ANO1: variants seen among roughly 807,000 people sequenced by gnomAD.
The protein encoded by ANO1 is anoctamin 1, also known as anoctamin-1.
In ANO1, 59 loss-of-function variants were observed where a neutral mutation model predicts 124.0. The ratio of observed to expected loss-of-function variants is 0.48; its 90% CI spans 0.39 to 0.59. The LOEUF (loss-of-function observed/expected upper bound fraction) is 0.59, where lower values mean the gene tolerates loss of function less well. ANO1 is among the 20% of genes least tolerant of loss of function. The probability of loss-of-function intolerance (pLI) is 0.00; values close to 1 mark genes in which losing one functional copy is unlikely to be tolerated. For missense variants in ANO1, 1,059 were observed against 1,328.0 expected, an observed-to-expected ratio of 0.80 and a Z score of 3.15; for synonymous variants, 529 against 532.0, an observed-to-expected ratio of 0.99 and a Z score of 0.08.
chr11:70,010,075 A>G (rs533414405), intron 1 of ANO1, among the ~76,000 whole-genome samples: 2 of 151,396 alleles, frequency 1.3e-5, no homozygotes, highest in Non-Finnish European at 2.9e-5. Flanking sequence ...CTCCAACTCC[A>G]TCCAGGTTGC....
chr11:70,123,200 T>C (rs980337076), intron 8 of ANO1, among the ~76,000 whole-genome samples: 2 of 152,120 alleles, frequency 1.3e-5, no homozygotes, highest in Admixed American at 6.5e-5. Flanking sequence ...CACAAGCCCC[T>C]CCAACCATGG....
intron 1 of ANO1, among the ~76,000 whole-genome samples, chr11:70,012,548 A>G (rs112903322): frequency 0.043 from 6,510 of 151,306 alleles, 482 homozygotes; most frequent in African/African-American, 0.15. Context: ...CTATCTATCC[A>G]TCCATTGTTG....
At chr11:70,124,505 C>A in intron 9 of ANO1, 91 bp downstream of exon 9, 2 of 1,336,606 alleles carry the variant, frequency 1.5e-6, no homozygotes, top group South Asian at 1.2e-5. Flanking sequence ...TCTGAATGTT[C>A]AGTACCCGGG....
chr11:70,152,075 G>T (rs762912987), intron 12 of ANO1, among the ~76,000 whole-genome samples: 1 of 152,130 alleles, frequency 6.6e-6, no homozygotes, highest in South Asian at 2.1e-4. Flanking sequence ...GGTGGCTCAC[G>T]CCTGTAACCC....
chr11:70,172,039 C>G (rs1257003757), intron 22 of ANO1, among the ~76,000 whole-genome samples: 1 of 149,028 alleles, frequency 6.7e-6, no homozygotes, highest in Non-Finnish European at 1.5e-5. Flanking sequence ...AGGATCATGT[C>G]AGCCCAGGAG....
At position 70,167,364 on chromosome 11, in the gene ANO1, TCACC is replaced by T; in HGVS notation, c.2176_2179del (p.Thr726GlnfsTer6). 3 of 1,612,790 alleles carry T rather than the reference TCACC, an allele frequency of 1.9e-6. No homozygotes were observed. Among genetic ancestry groups the T allele is most frequent in the Non-Finnish European group, 2.5e-6 (3 of 1,179,328 alleles). ...TACAACCTGGAGCCCTTCGCGGGCC[TCACC>T]CCAGAGTACATGGAAATGAGTGAGT... On this transcript the variant is annotated frameshift_variant, in exon 21 of 26. Transcript: ENST00000355303. LOFTEE classifies it high-confidence loss of function.
At chr11:70,168,656 C>T (rs1354464234) in intron 21 of ANO1, among the ~76,000 whole-genome samples, 2 of 152,130 alleles carry the variant, frequency 1.3e-5, no homozygotes. Flanking sequence ...GCATGCAGTG[C>T]CCTGGCCACC....
Position 70,137,194 on chromosome 11 carries a change from C to A in ANO1, c.1258+5115C>A, listed in dbSNP as rs922041816. Among the ~76,000 whole-genome samples, 5 of 147,012 alleles carry A rather than the reference C, an allele frequency of 3.4e-5. 1 individual carries two copies. The highest frequency in any genetic ancestry group is 6.1e-5 in the Non-Finnish European group (4 of 66,054). ...AGCAGTCTGTCACCGCTGAAGCACA[C>A]GTGCCAGAGCTCCCGTTGTTTATCA... On this transcript the variant is annotated intron_variant, in intron 11 of 25. Coordinates refer to ENST00000355303, the MANE Select transcript of ANO1 (RefSeq NM_018043.7).
At chr11:69,976,319 C>T in the ANO1 span, among the ~76,000 whole-genome samples, 7 of 152,072 alleles carry the variant, frequency 4.6e-5, no homozygotes, top group East Asian at 1.4e-3. Context: ...ACCATCCTGG[C>T]TAACACGGTG....
At chr11:70,029,578 G>A (rs1555003585) in intron 1 of ANO1, among the ~76,000 whole-genome samples, 1 of 152,220 alleles carries the variant, frequency 6.6e-6, no homozygotes, top group Non-Finnish European at 1.5e-5. Flanking sequence ...AGCCATGAAG[G>A]TCACGGCCAC....
rs528581298 is a variant in ANO1, at chr11:70,165,319, G to T, written c.1951-151G>T. 2.1e-5 allele frequency: 14 copies of T among 658,136 alleles called. No homozygotes were observed. In the East Asian group the frequency reaches 3.0e-4, roughly 14 times the overall value. The allele number at this position is 658,136 out of a possible 1,614,324, so 40.8% of individuals were successfully genotyped here. A position where few individuals can be genotyped will look rare whatever the true frequency, so the allele number is the denominator to read the frequency against. On this transcript the variant is annotated intron_variant, in intron 19 of 25. Coordinates refer to ENST00000355303, the MANE Select transcript of ANO1 (RefSeq NM_018043.7). ...TGCAAAGACCCTTTTTGCAAATAAGGCCACGTTCCCAGGTGGCGGGGATTA... is the reference window on the plus strand; with the variant it reads ...TGCAAAGACCCTTTTTGCAAATAAGTCCACGTTCCCAGGTGGCGGGGATTA...
chr11:70,169,278 G>A (rs1211842577), intron 21 of ANO1, among the ~76,000 whole-genome samples: 1 of 152,066 alleles, frequency 6.6e-6, no homozygotes, highest in Non-Finnish European at 1.5e-5. Flanking sequence ...ACATACACGG[G>A]GAGTGGCTCA....
Position 70,017,814 on chromosome 11 carries a change from C to T in ANO1, c.58+31648C>T, listed in dbSNP as rs376979234. ...GAATTACAGGCATGAGCCACAGTAC[C>T]TGGCCTATTTTCCCATTTTTAATGA... On this transcript the variant is annotated intron_variant, in intron 1 of 27. Coordinates refer to the ANO1 transcript ENST00000531349. Among the ~76,000 whole-genome samples, 13 of 152,248 alleles carry T rather than the reference C, an allele frequency of 8.5e-5. No individual in the cohort carries two copies. The South Asian group carries it at 1.7e-3, about 19-fold the overall frequency.
At chr11:70,001,736 G>C (rs1554999300) in intron 1 of ANO1, among the ~76,000 whole-genome samples, 1 of 152,054 alleles carries the variant, frequency 6.6e-6, no homozygotes, top group Non-Finnish European at 1.5e-5. Context: ...ACGTATTGCA[G>C]GTGCTTTTCT....
At chr11:70,096,121 C>T (rs10792738) in intron 2 of ANO1, among the ~76,000 whole-genome samples, 24,386 of 152,222 alleles carry the variant, frequency 0.16, 2,269 homozygotes, top group African/African-American at 0.25. Context: ...GGGTCTGCTT[C>T]GCTTGTCTGC....
rs375804749 is a variant in ANO1, at chr11:70,078,611, G to T, written c.5G>T (p.Arg2Met). The stretch of plus-strand genomic sequence containing the variant: ...CCCAGCGCACAGGCGGCCACGATGA[G>T]GGTCAACGAGAAGTACTCGACGCTC... The part of the protein sequence containing the change: M[R>M]VNEKYSTLPA... Residue 2 changes from arginine (R) to methionine (M), a missense_variant, in exon 1 of 26, where the codon AGG becomes ATG. Physicochemically the swap from Arg to Met is moderately conservative, Grantham distance 91 (BLOSUM62 -1). This residue lies in a region of ANO1 where 250 missense variants were observed against 233.1 expected (regional missense o/e 1.07). Transcript: ENST00000355303. The T allele has an allele frequency of 4.0e-6, 6 of 1,487,834 alleles. No individual in the cohort carries two copies. The highest frequency in any genetic ancestry group is 5.4e-6 in the Non-Finnish European group (6 of 1,109,386). 92.2% of individuals were successfully genotyped at this position (1,487,834 alleles called of 1,614,324 possible). A position where few individuals can be genotyped will look rare whatever the true frequency, so the allele number is the denominator to read the frequency against.
intron 1 of ANO1, among the ~76,000 whole-genome samples, chr11:70,051,838 T>C (rs376314218): frequency 1.1e-4 from 17 of 152,258 alleles, no homozygotes; most frequent in African/African-American, 3.9e-4. Flanking sequence ...TCCCACTCTG[T>C]CTTCCCTTTT....
At chr11:70,021,559 G>A (rs1479580083) in intron 1 of ANO1, among the ~76,000 whole-genome samples, 10 of 151,894 alleles carry the variant, frequency 6.6e-5, no homozygotes, top group African/African-American at 1.9e-4. Flanking sequence ...AACTGAGGAC[G>A]TGGTTCCCAT....
intron 1 of ANO1, among the ~76,000 whole-genome samples, chr11:70,024,190 G>C (rs1345923655): frequency 8.5e-5 from 13 of 152,270 alleles, no homozygotes; most frequent in African/African-American, 3.1e-4. Flanking sequence ...CACTCCAGCA[G>C]GGAGCCCAAG....
Sources: gnomAD v4.1 joint callset for allele counts (sites outside exome capture counted in the v4.1 genomes callset) on GRCh38, gnomAD v4.1.1 for gene constraint, gnomAD v4.1.1 regional missense constraint, MANE v1.5 for transcripts, NCBI Gene and HGNC (gene_info 2026-07-23, HGNC 2026-07-21) for gene names.